The following CELF2 variants were observed in gnomAD, a reference collection of about 807,000 sequenced individuals.
CELF2 encodes the protein CUGBP Elav-like family member 2.
In CELF2, 8 loss-of-function variants were observed where a neutral mutation model predicts 62.6. The ratio of observed to expected loss-of-function variants is 0.13; its 90% CI spans 0.07 to 0.23. CELF2 has a LOEUF of 0.23. Among genes scored for constraint, CELF2 ranks in the 10% least tolerant of loss-of-function variants. The pLI, the probability that CELF2 is intolerant of heterozygous loss-of-function variation, is 1.00. For synonymous variants in CELF2, 258 were observed against 250.0 expected (o/e 1.03, Z -0.30); for missense variants, 333 against 671.0 (o/e 0.50, Z 5.56).
chr10:10,962,486 G>T (rs1247059180), intron 2 of CELF2, among the ~76,000 whole-genome samples: 1 of 152,206 alleles, frequency 6.6e-6, no homozygotes, highest in Non-Finnish European at 1.5e-5. Flanking sequence ...ACTTTGGGAG[G>T]CCAAGGCTGG....
chr10:11,084,379 T>C (rs2074853481), intron 1 of CELF2, among the ~76,000 whole-genome samples: 2 of 152,218 alleles, frequency 1.3e-5, no homozygotes, highest in African/African-American at 4.8e-5. Flanking sequence ...AGGTCCTTAC[T>C]GGGTTGAAAG....
intron 2 of CELF2, among the ~76,000 whole-genome samples, chr10:10,929,203 T>A (rs1484083026): frequency 1.3e-5 from 2 of 152,240 alleles, no homozygotes; most frequent in African/African-American, 2.4e-5. Flanking sequence ...ACATGGAAGC[T>A]ACGAGATCAG....
chr10:10,655,057 C>T, the CELF2 span, among the ~76,000 whole-genome samples: 10 of 149,648 alleles, frequency 6.7e-5, no homozygotes, highest in African/African-American at 2.5e-4. Context: ...AAATCACAAG[C>T]ATTCTTATAC....
At chr10:10,691,833 C>T in the CELF2 span, among the ~76,000 whole-genome samples, 54 of 146,226 alleles carry the variant, frequency 3.7e-4, no homozygotes, top group African/African-American at 9.7e-4. Context: ...TCATGTCCTT[C>T]GCCCACTTTT....
chr10:10,582,500 G>T, the CELF2 span, among the ~76,000 whole-genome samples: 1 of 152,100 alleles, frequency 6.6e-6, no homozygotes, highest in East Asian at 1.9e-4. Flanking sequence ...CTTTATAATT[G>T]AACAAATGGT....
chr10:10,949,289 G>A (rs1023174282), intron 2 of CELF2, among the ~76,000 whole-genome samples: 12 of 151,948 alleles, frequency 7.9e-5, no homozygotes, highest in African/African-American at 1.7e-4. Context: ...CCGGAGCAAC[G>A]TATCAGTCCC....
At chr10:10,704,892 ATT>A in the CELF2 span, among the ~76,000 whole-genome samples, 33,419 of 145,816 alleles carry the variant, frequency 0.23, 3,886 homozygotes, top group South Asian at 0.44. Flanking sequence ...CTTATATAAG[ATT>A]TTTTTTTTTT....
chr10:10,519,964 A>T, the CELF2 span, among the ~76,000 whole-genome samples: 1 of 152,284 alleles, frequency 6.6e-6, no homozygotes, highest in Middle Eastern at 3.4e-3. Flanking sequence ...TGCAGAGAGG[A>T]TGGCTGTCCT....
At chr10:11,018,185 GGCCGGGCGA>G in intron 1 of CELF2, 22 bp downstream of exon 1, 1 of 1,508,294 alleles carries the variant, frequency 6.6e-7, no homozygotes, top group Admixed American at 2.0e-5. Context: ...CGCGTCCCGA[GGCCGGGCGA>G]GCGGGCGTCC....
At chr10:10,584,788 G>T in the CELF2 span, among the ~76,000 whole-genome samples, 2 of 152,190 alleles carry the variant, frequency 1.3e-5, no homozygotes, top group Non-Finnish European at 2.9e-5. Context: ...GTAGCCACAC[G>T]AAAGTCACAG....
At chr10:10,800,743 A>G (rs900068647) in intron 1 of CELF2, among the ~76,000 whole-genome samples, 22 of 152,150 alleles carry the variant, frequency 1.4e-4, no homozygotes, top group African/African-American at 5.1e-4. Context: ...TGAGTCCTTC[A>G]GTGATTTTTT....
chr10:10,498,099 G>A, the CELF2 span, among the ~76,000 whole-genome samples: 2 of 152,162 alleles, frequency 1.3e-5, no homozygotes, highest in African/African-American at 4.8e-5. Flanking sequence ...GTTGTGAAGA[G>A]GGAGAGAAAG....
At chr10:10,719,483 C>A in the CELF2 span, among the ~76,000 whole-genome samples, 1 of 152,034 alleles carries the variant, frequency 6.6e-6, no homozygotes, top group African/African-American at 2.4e-5. Context: ...ACAGGCTGGT[C>A]TGTAACTCCT....
the CELF2 span, among the ~76,000 whole-genome samples, chr10:10,588,666 C>T: frequency 5.3e-5 from 8 of 152,214 alleles, no homozygotes; most frequent in East Asian, 1.2e-3. Flanking sequence ...TTTCAAATGG[C>T]ATTAAAGAAG....
chr10:10,679,180 G>A, the CELF2 span, among the ~76,000 whole-genome samples: 10 of 152,314 alleles, frequency 6.6e-5, no homozygotes, highest in East Asian at 1.9e-3. Context: ...AGATGGTGCA[G>A]TATGATATAT....
intron 2 of CELF2, among the ~76,000 whole-genome samples, chr10:10,948,841 C>T (rs1469268155): frequency 6.6e-6 from 1 of 152,160 alleles, no homozygotes; most frequent in African/African-American, 2.4e-5. Flanking sequence ...GTGATCAAAA[C>T]CCTGTCTGAA....
the CELF2 span, among the ~76,000 whole-genome samples, chr10:10,762,142 C>CTTATGCTTTCCAACATCAGAGAT: frequency 6.6e-6 from 1 of 152,008 alleles, no homozygotes; most frequent in Admixed American, 6.6e-5. Flanking sequence ...AAACTGAGCC[C>CTTATGCTTTCCAACATCAGAGAT]TTATGCTTTC....
chr10:10,989,666 C>A (rs1003097460), intron 2 of CELF2, among the ~76,000 whole-genome samples: 2 of 151,900 alleles, frequency 1.3e-5, no homozygotes, highest in Admixed American at 6.6e-5. Flanking sequence ...TTATTGAAAT[C>A]TTTGGCTATA....
At chr10:10,962,863 G>A (rs2049684377) in intron 2 of CELF2, among the ~76,000 whole-genome samples, 1 of 152,180 alleles carries the variant, frequency 6.6e-6, no homozygotes, top group Non-Finnish European at 1.5e-5. Context: ...AGCTGATGCT[G>A]AAGTCAATTC....
Sources: allele counts gnomAD v4.1 joint callset (sites outside exome capture counted in the v4.1 genomes callset), GRCh38; gene constraint gnomAD v4.1.1; transcripts MANE v1.5; gene names NCBI Gene and HGNC (gene_info 2026-07-23, HGNC 2026-07-21).